NPR2: variants seen among roughly 807,000 people sequenced by gnomAD.
The protein encoded by NPR2 is atrial natriuretic peptide receptor 2.
NPR2 carries 49 observed loss-of-function variants against 120.7 expected under a neutral mutation model. The ratio of observed to expected loss-of-function variants is 0.41; its 90% CI spans 0.32 to 0.52. The LOEUF is 0.52. NPR2 is among the 20% of genes least tolerant of loss of function. The pLI is 0.36. For missense variants in NPR2, 931 were observed against 1,362.9 expected, an observed-to-expected ratio of 0.68 and a Z score of 4.99; for synonymous variants, 484 against 519.8, an observed-to-expected ratio of 0.93 and a Z score of 0.94.
chr9:35,792,326 C>A lies in NPR2; in HGVS notation c.-83C>A. ...TCTTCCTGGCCCTCTTCCCCAGGCT[C>A]CAGGCTGGGGGGTGCTCGCGTCTCC... On this transcript the variant is annotated 5_prime_UTR_variant, in exon 1 of 22. Coordinates refer to ENST00000342694, the MANE Select transcript of NPR2 (RefSeq NM_003995.4). The A allele has an allele frequency of 6.9e-7, 1 of 1,447,454 alleles. No homozygotes were observed. The allele number at this position is 1,447,454 out of a possible 1,614,324, so 89.7% of individuals were successfully genotyped here.
chr9:35,798,471 G>A (rs2132075249), intron 2 of NPR2, among the ~76,000 whole-genome samples: 1 of 152,210 alleles, frequency 6.6e-6, no homozygotes, highest in Middle Eastern at 3.4e-3. Flanking sequence ...TATAATGAAT[G>A]CATATTAGAA....
At chr9:35,795,199 C>G (rs763456231) in intron 2 of NPR2, among the ~76,000 whole-genome samples, 2 of 152,192 alleles carry the variant, frequency 1.3e-5, no homozygotes, top group African/African-American at 2.4e-5. Flanking sequence ...CTGCAGCCTA[C>G]CAGGCCTCTG....
Position 35,808,965 on chromosome 9 carries a change from C to A in NPR2, c.2986+112C>A. 1 of 927,910 alleles carries A rather than the reference C, an allele frequency of 1.1e-6. No homozygotes were observed. The highest frequency in any genetic ancestry group is 1.3e-5 in the South Asian group (1 of 76,306). The allele number at this position is 927,910 out of a possible 1,614,324, so 57.5% of individuals were successfully genotyped here. On this transcript the variant is annotated intron_variant, in intron 20 of 21. Coordinates refer to ENST00000342694, the MANE Select transcript of NPR2 (RefSeq NM_003995.4). The surrounding 1 kb of genome is among the most constrained non-coding windows in gnomAD (Gnocchi z 4.0). Reference sequence around the variant, plus strand: ...GAGAGACCACAGTTCCTTAGTGTCGCATCCTCGGGCATATTTTGGTTCTAA... The same window carrying A: ...GAGAGACCACAGTTCCTTAGTGTCGAATCCTCGGGCATATTTTGGTTCTAA...
Position 35,802,770 on chromosome 9 carries a change from G to A in NPR2, c.1854G>A (p.Met618Ile), listed in dbSNP as rs1828224436. 1 of 1,612,930 alleles carries A rather than the reference G, an allele frequency of 6.2e-7. No individual in the cohort carries two copies. Among genetic ancestry groups the A allele is most frequent in the Non-Finnish European group, 8.5e-7 (1 of 1,179,022 alleles). Residue 618 changes from methionine to isoleucine, a missense_variant, in exon 12 of 22, where the codon ATG becomes ATA. Coordinates refer to ENST00000342694, the MANE Select transcript of NPR2 (RefSeq NM_003995.4). The surrounding 1 kb of genome is among the most constrained non-coding windows in gnomAD (Gnocchi z 4.2). ...ATGACAGCATCAACTTGGACTGGAT[G>A]TTTCGTTATTCACTCATTAATGACC... ...LENDSINLDW[M>I]FRYSLINDLV...
At position 35,809,200 on chromosome 9, in the gene NPR2, G is replaced by A. The variant is rs771955209; in HGVS notation, c.3031G>A (p.Glu1011Lys). Residue 1011 changes from glutamate (E) to lysine (K), a missense_variant, in exon 21 of 22, where the codon GAG (glutamate) becomes AAG (lysine). By Grantham distance (56) the Glu-to-Lys change is moderately conservative (BLOSUM62 1). Around this residue, in one of 3 missense-constraint regions of NPR2, gnomAD observed 184 missense variants for 328.3 expected, o/e 0.56. Transcript: ENST00000342694. This position sits in a 1 kb window ranked among gnomAD's most constrained non-coding sequence, Gnocchi z 4.1. ...VSSTTKDALDELGCFQLELRG... is the reference protein window; with the variant it reads ...VSSTTKDALDKLGCFQLELRG... ...CTCTACCACCAAGGATGCCCTAGAT[G>A]AGCTAGGATGCTTCCAGCTAGAGCT... The A allele has an allele frequency of 8.7e-6, 14 of 1,613,902 alleles. No individual in the cohort carries two copies. The highest frequency in any genetic ancestry group is 1.2e-5 in the Non-Finnish European group (14 of 1,179,996).
In NPR2 at chr9:35,805,424, A is replaced by G. The variant is rs1383323484; in HGVS notation, c.1888-87A>G. On this transcript the variant is annotated intron_variant, in intron 12 of 21. Transcript: ENST00000342694. The surrounding 1 kb of genome is among the most constrained non-coding windows in gnomAD (Gnocchi z 4.9). ...TTATTTTTGTGGACCCAAGATCTGT[A>G]GACAGCTAGCCAGTGCCCATCTCAT... 1.5e-6 allele frequency: 2 copies of G among 1,341,590 alleles called. No homozygotes were observed. The highest frequency in any genetic ancestry group is 2.3e-5 in the East Asian group (1 of 43,620). 83.1% of individuals were successfully genotyped at this position (1,341,590 alleles called of 1,614,324 possible).
Position 35,792,131 on chromosome 9 carries a change from C to T in NPR2, c.-278C>T, listed in dbSNP as rs569608809. 560 of 505,426 alleles carry T rather than the reference C, an allele frequency of 1.1e-3. 1 individual carries two copies. Among genetic ancestry groups the T allele is most frequent in the Non-Finnish European group, 1.5e-3 (404 of 277,814 alleles). The allele number at this position is 505,426 out of a possible 1,614,324, so 31.3% of individuals were successfully genotyped here. Reference sequence around the variant, plus strand: ...CACCTCGCACTGTCCCCATCCTGGCCGCAGGCCCCCTCGGTCCCTCCCTCC... The same window carrying T: ...CACCTCGCACTGTCCCCATCCTGGCTGCAGGCCCCCTCGGTCCCTCCCTCC... On this transcript the variant is annotated 5_prime_UTR_variant, in exon 1 of 22. Transcript: ENST00000342694.
In NPR2 at chr9:35,808,910, C is replaced by G. The variant is rs1471097977; in HGVS notation, c.2986+57C>G. 1.8e-6 allele frequency: 2 copies of G among 1,123,040 alleles called. No homozygotes were observed. The highest frequency in any genetic ancestry group is 2.7e-6 in the Non-Finnish European group (2 of 732,018). 69.6% of individuals were successfully genotyped at this position (1,123,040 alleles called of 1,614,324 possible). ...CCTCAATTTATCTTGCCCTTTTCTT[C>G]TTTTCATAATCCCTCCAATTTCTTA... is the stretch of plus-strand genomic sequence containing the variant. On this transcript the variant is annotated intron_variant, in intron 20 of 21. Coordinates refer to ENST00000342694, the MANE Select transcript of NPR2 (RefSeq NM_003995.4). This position sits in a 1 kb window ranked among gnomAD's most constrained non-coding sequence, Gnocchi z 4.0.
In NPR2 at chr9:35,800,824, A is replaced by AC. The variant is rs1351276846; in HGVS notation, c.1337dup (p.Ser447IlefsTer3). ...CCCCCCTGTGCCTTTGACTTGGACG[A>AC]CCCATCCTGTGATAAAAGTGGGTGT... On this transcript the variant is annotated frameshift_variant, in exon 6 of 22. Coordinates refer to ENST00000342694, the MANE Select transcript of NPR2 (RefSeq NM_003995.4). LOFTEE classifies it high-confidence loss of function. The surrounding 1 kb of genome is among the most constrained non-coding windows in gnomAD (Gnocchi z 4.7). The AC allele has an allele frequency of 6.2e-7, 1 of 1,614,062 alleles. No individual in the cohort carries two copies. Among genetic ancestry groups the AC allele is most frequent in the Non-Finnish European group, 8.5e-7 (1 of 1,179,990 alleles).
At chr9:35,804,556 C>T (rs574502570) in intron 12 of NPR2, among the ~76,000 whole-genome samples, 6 of 152,266 alleles carry the variant, frequency 3.9e-5, no homozygotes, top group African/African-American at 9.6e-5. Flanking sequence ...TTCAGCTCCT[C>T]GGAGGCAAAG....
At chr9:35,799,041 C>T (rs553751969) in intron 2 of NPR2, among the ~76,000 whole-genome samples, 9 of 152,350 alleles carry the variant, frequency 5.9e-5, no homozygotes, top group East Asian at 1.9e-4. Context: ...ATCACTGTCT[C>T]AAAGTATTTC....
chr9:35,807,171 CGGGTGGGGTT>C, intron 17 of NPR2, 25 bp downstream of exon 17: 3 of 275,666 alleles, frequency 1.1e-5, no homozygotes, highest in African/African-American at 1.1e-4. Context: ...TGAGAGGTGG[CGGGTGGGGTT>C]GGGTGGGTAG....
Position 35,808,540 on chromosome 9 carries a change from T to C in NPR2, c.2744T>C (p.Val915Ala), listed in dbSNP as rs919659730. 5 of 1,613,964 alleles carry C rather than the reference T, an allele frequency of 3.1e-6. No homozygotes were observed. The highest frequency in any genetic ancestry group is 3.4e-6 in the Non-Finnish European group (4 of 1,180,040). ...ACGATTGGGGATGCTTACATGGTGGTATCTGGCCTCCCAGGCCGAAATGGT... is the reference window on the plus strand; with the variant it reads ...ACGATTGGGGATGCTTACATGGTGGCATCTGGCCTCCCAGGCCGAAATGGT... ...VETIGDAYMVVSGLPGRNGQR... is the reference protein window; with the variant it reads ...VETIGDAYMVASGLPGRNGQR... The change falls in exon 19 of 22, where the codon GTA becomes GCA. Residue 915 changes from valine (V) to alanine (A), a missense_variant. Physicochemically the swap from Val to Ala is moderately conservative, Grantham distance 64. Around this residue, in one of 3 missense-constraint regions of NPR2, gnomAD observed 184 missense variants for 328.3 expected, o/e 0.56. Coordinates refer to ENST00000342694, the MANE Select transcript of NPR2 (RefSeq NM_003995.4). This position sits in a 1 kb window ranked among gnomAD's most constrained non-coding sequence, Gnocchi z 4.0.
chr9:35,795,219 A>C (rs1295295448), intron 2 of NPR2, among the ~76,000 whole-genome samples: 2 of 152,102 alleles, frequency 1.3e-5, no homozygotes, highest in Admixed American at 1.3e-4. Flanking sequence ...GAGTTCCCCC[A>C]ACCCCAGGGC....
rs369823556 is a variant in NPR2 at position 35,794,283 on chromosome 9, C to G, written c.873+180C>G. Among the ~76,000 whole-genome samples the G allele has an allele frequency of 7.2e-5, 11 of 152,340 alleles. No individual in the cohort carries two copies. In the East Asian group the frequency reaches 2.1e-3, roughly 29 times the overall value. On this transcript the variant is annotated intron_variant, in intron 2 of 21. Transcript: ENST00000342694. ...TTCTTACTTCTCTACTTTTGTGACT[C>G]TTAGTGTGCTTGCTGCCAAGACTGA...
At position 35,792,951 on chromosome 9, in the gene NPR2, C is replaced by T. The variant is rs749798792; in HGVS notation, c.543C>T (p.Tyr181=). Residue 181 remains tyrosine (Y), a synonymous_variant, in exon 1 of 22, where the codon TAC becomes TAT. Coordinates refer to ENST00000342694, the MANE Select transcript of NPR2 (RefSeq NM_003995.4). ...LDARTDDRPH[Y]FTIEGVFEAL... ...CTCGCACAGATGACCGGCCTCACTA[C>T]TTCACCATCGAGGGCGTCTTTGAGG... 1 of 1,614,030 alleles carries T rather than the reference C, an allele frequency of 6.2e-7. No individual in the cohort carries two copies. Among genetic ancestry groups the T allele is most frequent in the Admixed American group, 1.7e-5 (1 of 60,028 alleles).
At chr9:35,807,959 G>T in intron 18 of NPR2, 1 of 568,386 alleles carries the variant, frequency 1.8e-6, no homozygotes, top group Admixed American at 3.2e-5. Context: ...ACCTAACATT[G>T]TTTGGCATGT....
In NPR2 at chr9:35,799,599, C is replaced by G. The variant is rs1310797826; in HGVS notation, c.874-19C>G. 1.3e-6 allele frequency: 2 copies of G among 1,546,112 alleles called. No individual in the cohort carries two copies. Among genetic ancestry groups the G allele is most frequent in the South Asian group, 2.2e-5 (2 of 89,740 alleles). On this transcript the variant is annotated intron_variant, in intron 2 of 21. Transcript: ENST00000342694. ...TATCTTGAATCCTGTTCACTCTTCC[C>G]CATATGCTGCTGGTACAGACTGTAT...
chr9:35,798,062 G>A (rs899152121), intron 2 of NPR2, among the ~76,000 whole-genome samples: 1 of 152,092 alleles, frequency 6.6e-6, no homozygotes, highest in Non-Finnish European at 1.5e-5. Flanking sequence ...AACTTTATTT[G>A]GGGTCCTTAA....
Sources: gnomAD v4.1 joint callset for allele counts (sites outside exome capture counted in the v4.1 genomes callset) on GRCh38, gnomAD v4.1.1 for gene constraint, gnomAD v4.1.1 regional missense constraint, Gnocchi (gnomAD v3.1) non-coding constraint, MANE v1.5 for transcripts, NCBI Gene and HGNC (gene_info 2026-07-23, HGNC 2026-07-21) for gene names.